The following VPS11 variants were observed in gnomAD, a reference collection of about 807,000 sequenced individuals.
VPS11 encodes the protein VPS11 core subunit of CORVET and HOPS complexes, also known as vacuolar protein sorting-associated protein 11 homolog.
Under a neutral mutation model 106.8 loss-of-function variants are expected in VPS11, and 51 were observed. The ratio of observed to expected loss-of-function variants is 0.48; its 90% CI spans 0.38 to 0.60. The LOEUF is 0.60. VPS11 is among the 20% of genes least tolerant of loss of function. VPS11 has a pLI of 0.00. For missense variants in VPS11, 950 were observed against 1,190.0 expected (o/e 0.80, Z 2.97); for synonymous variants, 453 against 458.7 (o/e 0.99, Z 0.16).
chr11:119,073,174 T>C (rs782310678), intron 5 of VPS11, 24 bp from the exon 6 acceptor site: 1 of 1,600,168 alleles, frequency 6.2e-7, no homozygotes, highest in South Asian at 1.1e-5. Context: ...TCCAAACATC[T>C]GGTGCTTTTT....
chr11:119,069,420 C>T, intron 2 of VPS11, 22 bp from the exon 3 acceptor site: 1 of 1,613,950 alleles, frequency 6.2e-7, no homozygotes, highest in Non-Finnish European at 8.5e-7. Context: ...CTAGCATTTA[C>T]ACTTCTGAGG....
intron 6 of VPS11, 144 bp from the exon 7 acceptor site, chr11:119,073,656 G>T: frequency 1.0e-6 from 1 of 957,266 alleles, no homozygotes. Context: ...CTGATCTTGG[G>T]GATATCTGGT....
chr11:119,073,364 G>A lies in VPS11; in HGVS notation c.1051G>A (p.Ala351Thr), dbSNP rs985111212. The A allele has an allele frequency of 6.2e-6, 10 of 1,613,402 alleles. No individual in the cohort carries two copies. Among genetic ancestry groups the A allele is most frequent in the African/African-American group, 5.3e-5 (4 of 74,912 alleles). ...GCTGACGCGGGATGGGCGGGTCCAC[G>A]CACTGCAGGAGAAGGACACACAGAC... is the stretch of plus-strand genomic sequence containing the variant. The part of the protein sequence containing the change: ...YVLTRDGRVH[A>T]LQEKDTQTKL... The change falls in exon 6 of 16, where the codon GCA (alanine) becomes ACA (threonine). Residue 351 changes from alanine to threonine, a missense_variant. Ala to Thr is a moderately conservative substitution (Grantham distance 58). Around this residue, in one of 3 missense-constraint regions of VPS11, gnomAD observed 435 missense variants for 630.2 expected, o/e 0.69. Transcript: ENST00000621676.
chr11:119,079,849 A>C (rs1241742420), intron 14 of VPS11, among the ~76,000 whole-genome samples: 2 of 152,134 alleles, frequency 1.3e-5, no homozygotes, highest in Non-Finnish European at 2.9e-5. Flanking sequence ...TGCTGGGATG[A>C]GCCACGGTGC....
chr11:119,072,859 C>T (rs1427020039), intron 5 of VPS11: 2 of 228,552 alleles, frequency 8.8e-6, no homozygotes, highest in Non-Finnish European at 1.7e-5. Context: ...GAAAGTACTC[C>T]CTGTTAGATG....
Position 119,070,215 on chromosome 11 carries a change from T to C in VPS11, c.473-19T>C. The C allele has an allele frequency of 6.3e-7, 1 of 1,597,116 alleles. No individual in the cohort carries two copies. The highest frequency in any genetic ancestry group is 1.7e-5 in the Admixed American group (1 of 57,900). On this transcript the variant is annotated intron_variant, in intron 3 of 15. Transcript: ENST00000621676. ...GATCTTTTCAGCCTTACTGAAGTAA[T>C]TTTCTTGTTTTCTTACAGGTTTCAC...
chr11:119,071,059 C>T (rs1945369513), intron 4 of VPS11, among the ~76,000 whole-genome samples: 1 of 151,182 alleles, frequency 6.6e-6, no homozygotes. Context: ...CTCCTGAGTA[C>T]GTGGGATTAC....
At chr11:119,077,457 A>C (rs370077572) in intron 8 of VPS11, 44 bp from the exon 9 acceptor site, 5 of 1,598,290 alleles carry the variant, frequency 3.1e-6, no homozygotes, top group African/African-American at 1.3e-5. Flanking sequence ...TCCCTTCTCT[A>C]TCTCCCTCTG....
chr11:119,071,709 C>A lies in VPS11; in HGVS notation c.750C>A (p.Ala250=). The A allele has an allele frequency of 6.2e-7, 1 of 1,614,002 alleles. No individual in the cohort carries two copies. Among genetic ancestry groups the A allele is most frequent in the South Asian group, 1.1e-5 (1 of 91,074 alleles). Reference sequence around the variant, plus strand: ...CTCAGGACCTGCAGTTCATTGTGGCCGGGGATGAGTGTGTCTACTTGTACC... The same window carrying A: ...CTCAGGACCTGCAGTTCATTGTGGCAGGGGATGAGTGTGTCTACTTGTACC... ...DPSQDLQFIV[A]GDECVYLYQP... is the part of the protein sequence containing the mutation. The change falls in exon 5 of 16, where the codon GCC becomes GCA. Residue 250 remains alanine, a synonymous_variant. Transcript: ENST00000621676.
chr11:119,069,011 C>T (rs1235602669), intron 1 of VPS11, among the ~76,000 whole-genome samples, 185 bp from the exon 2 acceptor site: 2 of 123,856 alleles, frequency 1.6e-5, no homozygotes, highest in South Asian at 6.8e-4. Flanking sequence ...CCCCCCCCCC[C>T]GGCCTCCCAA....
At position 119,078,392 on chromosome 11, in the gene VPS11, G is replaced by T. The variant is rs372473821; in HGVS notation, c.1923+58G>T. 1.6e-5 allele frequency: 26 copies of T among 1,590,858 alleles called. No individual in the cohort carries two copies. In the South Asian group the frequency reaches 2.5e-4, roughly 16 times the overall value. ...CAGTTCGTGCCGTCTCCATTCTTCC[G>T]TCTTGGTGGCTGCCTTTCACTGCAT... is the stretch of plus-strand genomic sequence containing the variant. On this transcript the variant is annotated intron_variant, in intron 11 of 15. Transcript: ENST00000621676.
At chr11:119,080,594 C>G (rs891051301) in intron 14 of VPS11, among the ~76,000 whole-genome samples, 2 of 152,058 alleles carry the variant, frequency 1.3e-5, no homozygotes, top group African/African-American at 4.8e-5. Flanking sequence ...GTCTAGAACT[C>G]CTGACGTCAG....
At position 119,077,070 on chromosome 11, in the gene VPS11, A is replaced by G; in HGVS notation, c.1412A>G (p.Glu471Gly). The change falls in exon 8 of 16, where the codon GAG becomes GGG. Residue 471 changes from glutamate to glycine, a missense_variant. Around this residue, in one of 3 missense-constraint regions of VPS11, gnomAD observed 435 missense variants for 630.2 expected, o/e 0.69. Coordinates refer to ENST00000621676, the MANE Select transcript of VPS11 (RefSeq NM_021729.6). Reference sequence around the variant, plus strand: ...AAGCTCAAGGACAGCTCGAAGCTGGAGGAGTTCATCAAGGTGCAGGATGTT... The same window carrying G: ...AAGCTCAAGGACAGCTCGAAGCTGGGGGAGTTCATCAAGGTGCAGGATGTT... The part of the protein sequence containing the change: ...YTKLKDSSKL[E>G]EFIKKKSESE... 6.2e-7 allele frequency: 1 copy of G among 1,612,292 alleles called. No homozygotes were observed. The highest frequency in any genetic ancestry group is 8.5e-7 in the Non-Finnish European group (1 of 1,179,136).
In VPS11 at chr11:119,079,185, C is replaced by G; in HGVS notation, c.2323C>G (p.Leu775Val). Residue 775 changes from leucine to valine, a missense_variant, in exon 14 of 16, where the codon CTG becomes GTG. Transcript: ENST00000621676. The stretch of plus-strand genomic sequence containing the variant: ...CACACTCTCCGTCATCAGGGACTAC[C>G]TGGTCCAAAAACTACAGAAACAGAG... ...TATLSVIRDYLVQKLQKQSQQ... is the reference protein window; with the variant it reads ...TATLSVIRDYVVQKLQKQSQQ... The G allele has an allele frequency of 1.2e-6, 2 of 1,613,778 alleles. No homozygotes were observed. The highest frequency in any genetic ancestry group is 2.2e-5 in the East Asian group (1 of 44,866).
intron 7 of VPS11, among the ~76,000 whole-genome samples, chr11:119,074,815 G>A (rs1468287829): frequency 6.6e-6 from 1 of 151,962 alleles, no homozygotes. Flanking sequence ...CAGTTGAGCC[G>A]ATGATTACCT....
At chr11:119,077,172 G>A (rs1565742456) in intron 8 of VPS11, 89 bp downstream of exon 8, 1 of 1,489,852 alleles carries the variant, frequency 6.7e-7, no homozygotes, top group African/African-American at 1.4e-5. Context: ...GCAAGACATA[G>A]GGAGAGGAAA....
chr11:119,073,646 C>A, intron 6 of VPS11, 154 bp from the exon 7 acceptor site: 2 of 928,104 alleles, frequency 2.2e-6, no homozygotes, highest in Non-Finnish European at 3.2e-6. Flanking sequence ...TAAGATGATA[C>A]TGATCTTGGG....
rs1442728895 is a variant in VPS11, at chr11:119,077,937, C to T, written c.1632C>T (p.Asn544=). 8.7e-6 allele frequency: 14 copies of T among 1,613,928 alleles called. No homozygotes were observed. The highest frequency in any genetic ancestry group is 1.2e-5 in the Non-Finnish European group (14 of 1,179,906). The part of the protein sequence containing the change: ...GKLPFEQAES[N]MKRYGKILMH... ...TGCCTTTTGAGCAGGCAGAGAGCAA[C>T]ATGAAGCGCTACGGCAAGATCCTCA... The change falls in exon 10 of 16, where the codon AAC becomes AAT. Residue 544 remains asparagine, a synonymous_variant. Transcript: ENST00000621676.
chr11:119,076,518 C>G (rs1215835701), intron 7 of VPS11, among the ~76,000 whole-genome samples: 2 of 150,864 alleles, frequency 1.3e-5, no homozygotes, highest in African/African-American at 4.9e-5. Context: ...AGGAGCGAAC[C>G]TCCCTCTCAA....
Sources: allele counts gnomAD v4.1 joint callset (sites outside exome capture counted in the v4.1 genomes callset), GRCh38; gene constraint gnomAD v4.1.1; regional missense constraint gnomAD v4.1.1; transcripts MANE v1.5; gene names NCBI Gene and HGNC (gene_info 2026-07-23, HGNC 2026-07-21).